Variants in IQCM observed in about 807,000 individuals in gnomAD.
IQCM encodes IQ domain-containing protein M.
In IQCM, 45 loss-of-function variants were observed where a neutral mutation model predicts 57.6. The observed-to-expected ratio is 0.78, with a 90% CI of 0.62 to 1.00. The LOEUF (loss-of-function observed/expected upper bound fraction) is 1.00. Among genes scored for constraint, IQCM ranks in the 50% least tolerant of loss-of-function variants. The probability of loss-of-function intolerance (pLI) is 0.00; values close to 1 mark genes in which losing one functional copy is unlikely to be tolerated. For synonymous variants in IQCM, 148 were observed against 158.9 expected, an observed-to-expected ratio of 0.93 and a Z score of 0.51; for missense variants, 468 against 511.6, an observed-to-expected ratio of 0.91 and a Z score of 0.82.
intron 8 of IQCM, among the ~76,000 whole-genome samples, chr4:149,605,167 T>G (rs1458094860): frequency 6.6e-6 from 1 of 152,214 alleles, no homozygotes; most frequent in African/African-American, 2.4e-5. Context: ...AGAATTGGGT[T>G]GAATATTTTG....
chr4:149,489,164 T>C (rs1386909914), intron 12 of IQCM, among the ~76,000 whole-genome samples: 1 of 152,076 alleles, frequency 6.6e-6, no homozygotes, highest in African/African-American at 2.4e-5. Flanking sequence ...AAGGAGGTAA[T>C]GGAATGGAAT....
intron 12 of IQCM, among the ~76,000 whole-genome samples, chr4:149,505,255 T>C (rs1184170965): frequency 6.6e-6 from 1 of 152,196 alleles, no homozygotes; most frequent in Non-Finnish European, 1.5e-5. Flanking sequence ...CAGAAATTGC[T>C]CAGTTATAGA....
intron 12 of IQCM, among the ~76,000 whole-genome samples, chr4:149,497,199 T>C (rs544703942): frequency 2.6e-5 from 4 of 152,182 alleles, no homozygotes; most frequent in African/African-American, 7.2e-5. Context: ...AGCTGGATCC[T>C]GGGCTTTCTG....
chr4:149,407,780 CAT>C lies in IQCM; in HGVS notation c.1390+25614_1390+25615del, dbSNP rs1252729748. On this transcript the variant is annotated intron_variant, in intron 13 of 13. Coordinates refer to ENST00000636793, the MANE Select transcript of IQCM (RefSeq NM_001363507.2). ...AGTTGATGGACACTTAGGTTGATTT[CAT>C]GGCTTTGCTATGGTGACTAGTGCTA... 1.5e-4 allele frequency among the ~76,000 whole-genome samples: 23 copies of C among 152,258 alleles called. No individual in the cohort carries two copies. The East Asian group carries it at 4.3e-3, about 28-fold the overall frequency.
At chr4:149,430,085 C>A in intron 13 of IQCM, 1 of 1,010,160 alleles carries the variant, frequency 9.9e-7, no homozygotes, top group Non-Finnish European at 1.3e-6. Flanking sequence ...AAACCCAAAA[C>A]TTTCAACTTA....
intron 11 of IQCM, among the ~76,000 whole-genome samples, chr4:149,550,895 T>C (rs1238161802): frequency 1.3e-5 from 2 of 152,214 alleles, no homozygotes; most frequent in African/African-American, 4.8e-5. Context: ...ATTTCTGTTC[T>C]ACTGTTCAGC....
chr4:149,686,273 G>T, intron 6 of IQCM, 105 bp downstream of exon 6: 1 of 434,550 alleles, frequency 2.3e-6, no homozygotes, highest in Non-Finnish European at 3.8e-6. Flanking sequence ...CTTCATGTAT[G>T]GGGTGTTAAT....
At chr4:149,449,344 T>G (rs1427427398) in intron 12 of IQCM, among the ~76,000 whole-genome samples, 1 of 146,406 alleles carries the variant, frequency 6.8e-6, no homozygotes, top group Non-Finnish European at 1.5e-5. Context: ...ATAAATTATA[T>G]TATATGTATA....
At chr4:149,685,647 C>A (rs1762496003) in intron 6 of IQCM, among the ~76,000 whole-genome samples, 1 of 151,408 alleles carries the variant, frequency 6.6e-6, no homozygotes, top group Non-Finnish European at 1.5e-5. Context: ...TGCCAATTAC[C>A]CCAAATTTCT....
At chr4:149,389,937 G>A (rs1731727863) in intron 13 of IQCM, among the ~76,000 whole-genome samples, 2 of 151,814 alleles carry the variant, frequency 1.3e-5, no homozygotes, top group South Asian at 4.2e-4. Flanking sequence ...TCTTTTTCAA[G>A]ATTGTTCTAT....
intron 7 of IQCM, among the ~76,000 whole-genome samples, chr4:149,655,134 C>T (rs1759525919): frequency 6.6e-6 from 1 of 152,036 alleles, no homozygotes; most frequent in Admixed American, 6.6e-5. Flanking sequence ...TGTTATATTT[C>T]AAGATTATTT....
Position 149,432,504 on chromosome 4 carries a change from A to G in IQCM, c.1390+892T>C, listed in dbSNP as rs183918227. On this transcript the variant is annotated intron_variant, in intron 13 of 13. Coordinates refer to ENST00000636793, the MANE Select transcript of IQCM (RefSeq NM_001363507.2). ...AGCCATATACAAAAATTAACCCCAA[A>G]TCAACCACACACTGAAATATAAACC... 2.0e-3 allele frequency among the ~76,000 whole-genome samples: 304 copies of G among 152,144 alleles called. 2 individuals are homozygous for G. The highest frequency in any genetic ancestry group is 0.014 in the Middle Eastern group (4 of 294).
intron 7 of IQCM, among the ~76,000 whole-genome samples, chr4:149,655,419 G>C (rs933752260): frequency 4.6e-5 from 7 of 152,152 alleles, no homozygotes; most frequent in African/African-American, 1.7e-4. Flanking sequence ...CTGCCAGCAT[G>C]AAAAATTTTG....
chr4:149,430,002 T>G, intron 13 of IQCM: 2 of 1,228,708 alleles, frequency 1.6e-6, no homozygotes, highest in Non-Finnish European at 2.0e-6. Flanking sequence ...TAGATATAGG[T>G]CACCTTCTGA....
At chr4:149,762,356 G>C (rs1297726832) in intron 2 of IQCM, among the ~76,000 whole-genome samples, 1 of 151,904 alleles carries the variant, frequency 6.6e-6, no homozygotes, top group Non-Finnish European at 1.5e-5. Flanking sequence ...AGTAAAACAA[G>C]TTTAAGCAAA....
chr4:149,566,378 G>T (rs1750633688), intron 9 of IQCM, among the ~76,000 whole-genome samples: 1 of 152,178 alleles, frequency 6.6e-6, no homozygotes, highest in South Asian at 2.1e-4. Context: ...ATGGTAGGGT[G>T]ATATGTAATG....
chr4:149,531,705 A>G (rs1746765983), intron 12 of IQCM, among the ~76,000 whole-genome samples: 1 of 152,152 alleles, frequency 6.6e-6, no homozygotes, highest in South Asian at 2.1e-4. Flanking sequence ...ACTGGCAGCC[A>G]TCAGTTTTTA....
At chr4:149,669,826 G>C (rs565936645) in intron 7 of IQCM, among the ~76,000 whole-genome samples, 2 of 151,980 alleles carry the variant, frequency 1.3e-5, no homozygotes, top group Non-Finnish European at 2.9e-5. Flanking sequence ...GCTTTGTTTT[G>C]TTGGTCTATA....
chr4:149,591,636 T>C (rs1005144523), intron 8 of IQCM, among the ~76,000 whole-genome samples: 1 of 152,060 alleles, frequency 6.6e-6, no homozygotes, highest in Non-Finnish European at 1.5e-5. Flanking sequence ...CGGTGTGTGA[T>C]GTTCCCCACC....
Sources: allele counts gnomAD v4.1 joint callset (sites outside exome capture counted in the v4.1 genomes callset), GRCh38; gene constraint gnomAD v4.1.1; transcripts MANE v1.5; gene names NCBI Gene and HGNC (gene_info 2026-07-23, HGNC 2026-07-21).